Variants in TANC2 observed in about 807,000 individuals in gnomAD.
TANC2 encodes tetratricopeptide repeat, ankyrin repeat and coiled-coil containing 2.
TANC2 carries 26 observed loss-of-function variants against 210.5 expected under a neutral mutation model. The observed-to-expected ratio is 0.12, with a 90% CI of 0.09 to 0.17. TANC2 has a LOEUF of 0.17. Among genes scored for constraint, TANC2 ranks in the 10% least tolerant of loss-of-function variants. TANC2 has a pLI of 1.00. For synonymous variants in TANC2, 931 were observed against 967.1 expected (o/e 0.96, Z 0.69); for missense variants, 2,129 against 2,608.9 (o/e 0.82, Z 4.01).
intron 19 of TANC2, among the ~76,000 whole-genome samples, chr17:63,402,201 A>AC (rs1220533608): frequency 6.6e-6 from 1 of 151,804 alleles, no homozygotes; most frequent in African/African-American, 2.4e-5. Flanking sequence ...CCCTTGGCCC[A>AC]CCCCACACCT....
At chr17:63,321,056 G>C (rs1334010051) in intron 11 of TANC2, among the ~76,000 whole-genome samples, 1 of 152,078 alleles carries the variant, frequency 6.6e-6, no homozygotes, top group African/African-American at 2.4e-5. Flanking sequence ...AAATTAGCCA[G>C]GTGTGGTAGC....
chr17:63,197,226 A>T (rs1013760015), intron 6 of TANC2, among the ~76,000 whole-genome samples: 1 of 152,200 alleles, frequency 6.6e-6, no homozygotes, highest in African/African-American at 2.4e-5. Flanking sequence ...AACATACATT[A>T]TGCCTCTCAT....
intron 4 of TANC2, among the ~76,000 whole-genome samples, chr17:63,122,095 A>G (rs1424005325): frequency 6.6e-6 from 1 of 152,224 alleles, no homozygotes; most frequent in Non-Finnish European, 1.5e-5. Flanking sequence ...AGTTCAAAAA[A>G]GTGAATAGTG....
chr17:63,382,082 G>C (rs560873540), intron 15 of TANC2, among the ~76,000 whole-genome samples: 1 of 152,160 alleles, frequency 6.6e-6, no homozygotes, highest in South Asian at 2.1e-4. Flanking sequence ...CTTTTCTCCC[G>C]TACTTCACAG....
At chr17:63,060,861 C>A (rs1156855025) in intron 2 of TANC2, among the ~76,000 whole-genome samples, 2 of 152,046 alleles carry the variant, frequency 1.3e-5, no homozygotes, top group African/African-American at 4.8e-5. Context: ...AGCTCAGATT[C>A]TTTGTGTATT....
chr17:63,223,896 T>G (rs1419760993), intron 7 of TANC2, among the ~76,000 whole-genome samples: 1 of 152,112 alleles, frequency 6.6e-6, no homozygotes, highest in Non-Finnish European at 1.5e-5. Flanking sequence ...TTATGTTATG[T>G]GTATTTTACC....
At position 63,329,340 on chromosome 17, in the gene TANC2, C is replaced by T. The variant is rs115102335; in HGVS notation, c.1575+10250C>T. Among the ~76,000 whole-genome samples, 1,150 of 151,936 alleles carry T rather than the reference C, an allele frequency of 7.6e-3. 15 individuals carry two copies. Among genetic ancestry groups the T allele is most frequent in the African/African-American group, 0.025 (1,048 of 41,442 alleles). On this transcript the variant is annotated intron_variant, in intron 11 of 27. Transcript: ENST00000689528. ...GGGAAAAAAATAAACAGACAACTCA[C>T]AAAAAAGATTAAAATGGCCTTGAAA...
At chr17:63,360,269 C>T (rs550420642) in intron 14 of TANC2, among the ~76,000 whole-genome samples, 1 of 152,318 alleles carries the variant, frequency 6.6e-6, no homozygotes, top group Admixed American at 6.5e-5. Flanking sequence ...GTCACTGCTC[C>T]TGATAGCCAT....
At chr17:63,064,132 G>A (rs1207962080) in intron 2 of TANC2, among the ~76,000 whole-genome samples, 1 of 152,082 alleles carries the variant, frequency 6.6e-6, no homozygotes, top group Admixed American at 6.6e-5. Context: ...ATTCAATTTG[G>A]GAGGTATAAG....
At chr17:63,104,874 G>A (rs1270600775) in intron 4 of TANC2, among the ~76,000 whole-genome samples, 1 of 149,458 alleles carries the variant, frequency 6.7e-6, no homozygotes, top group Non-Finnish European at 1.5e-5. Context: ...TTTGTTTAAA[G>A]TCTCTGTACT....
At position 63,399,491 on chromosome 17, in the gene TANC2, G is replaced by A. The variant is rs147520902; in HGVS notation, c.3331+577G>A. The stretch of plus-strand genomic sequence containing the variant: ...AGCAAATCAGTTTCTGTATCGTTCG[G>A]TACAATGCAAACAGAAGCCTCTTCC... On this transcript the variant is annotated intron_variant, in intron 19 of 27. Coordinates refer to ENST00000689528, the Ensembl canonical transcript of TANC2. Among the ~76,000 whole-genome samples the A allele has an allele frequency of 3.3e-5, 5 of 152,308 alleles. No homozygotes were observed. The East Asian group carries it at 7.7e-4, about 23-fold the overall frequency.
intron 4 of TANC2, chr17:63,149,185 A>G (rs998913989): frequency 9.9e-5 from 15 of 152,064 alleles, no homozygotes; most frequent in African/African-American, 2.9e-4. Context: ...AGAATTGTGT[A>G]TTTTAGTAAG....
At chr17:63,411,454 C>G in intron 21 of TANC2, 57 bp from the exon 22 acceptor site, 2 of 1,520,308 alleles carry the variant, frequency 1.3e-6, no homozygotes, top group Non-Finnish European at 1.8e-6. Context: ...GCGTACTTCC[C>G]CTCCTGCTGT....
rs549837023 is a variant in TANC2, at chr17:63,194,459, G to T, written c.582+320G>T. The stretch of plus-strand genomic sequence containing the variant: ...TGCATGTGGATTATTTACCGAATTG[G>T]TTATATGCTGAGCCATAGAGCAGGT... On this transcript the variant is annotated intron_variant, in intron 6 of 27. Coordinates refer to ENST00000689528, the Ensembl canonical transcript of TANC2. Among the ~76,000 whole-genome samples the T allele has an allele frequency of 1.3e-3, 198 of 152,290 alleles. 1 individual carries two copies. In the South Asian group the frequency reaches 0.021, roughly 16 times the overall value.
intron 12 of TANC2, among the ~76,000 whole-genome samples, chr17:63,342,671 GA>G (rs202072608): frequency 0.14 from 21,325 of 151,870 alleles, 1,884 homozygotes; most frequent in Middle Eastern, 0.21. Flanking sequence ...AGCTACTCGG[GA>G]GGCTGAGGCA....
At chr17:63,308,525 T>G (rs1192956634) in intron 9 of TANC2, among the ~76,000 whole-genome samples, 1 of 152,238 alleles carries the variant, frequency 6.6e-6, no homozygotes, top group Non-Finnish European at 1.5e-5. Context: ...CAGCCTGACA[T>G]TCAGACTGTC....
At chr17:63,399,001 A>G (rs750750121) in intron 19 of TANC2, 87 bp downstream of exon 19, 132 of 967,314 alleles carry the variant, frequency 1.4e-4, no homozygotes, top group Non-Finnish European at 4.2e-5. Flanking sequence ...CCTGGCATAC[A>G]TTTGGCAGTC....
intron 8 of TANC2, among the ~76,000 whole-genome samples, chr17:63,261,622 A>G (rs370399097): frequency 6.6e-6 from 1 of 152,162 alleles, no homozygotes; most frequent in Admixed American, 6.5e-5. Flanking sequence ...TGCTCCTGGA[A>G]TGAACTGCCA....
intron 8 of TANC2, among the ~76,000 whole-genome samples, chr17:63,250,810 C>A (rs1164523899): frequency 1.3e-5 from 2 of 151,742 alleles, no homozygotes; most frequent in Admixed American, 1.3e-4. Flanking sequence ...GTAATGTTAC[C>A]CAGGCTGGTA....
Sources: gnomAD v4.1 joint callset for allele counts (sites outside exome capture counted in the v4.1 genomes callset) on GRCh38, gnomAD v4.1.1 for gene constraint, MANE v1.5 for transcripts, NCBI Gene and HGNC (gene_info 2026-07-23, HGNC 2026-07-21) for gene names.